The following POLR3GL variants were observed in gnomAD, a reference collection of about 807,000 sequenced individuals.
The protein encoded by POLR3GL is RNA polymerase III subunit GL.
POLR3GL carries 26 observed loss-of-function variants against 32.4 expected under a neutral mutation model. The ratio of observed to expected loss-of-function variants is 0.80; its 90% confidence interval spans 0.59 to 1.11. The LOEUF is 1.11. POLR3GL is among the 50% of genes most tolerant of loss of function. POLR3GL has a pLI of 0.00. For missense variants in POLR3GL, 229 were observed against 280.1 expected (o/e 0.82, Z 1.30); for synonymous variants, 95 against 98.7 (o/e 0.96, Z 0.22).
chr1:145,969,053 C>G (rs1650162184), intron 1 of POLR3GL, among the ~76,000 whole-genome samples: 1 of 152,068 alleles, frequency 6.6e-6, no homozygotes, highest in African/African-American at 2.4e-5. Flanking sequence ...CCTCTCCTAG[C>G]TACAGATTAT....
chr1:145,974,422 A>C (rs1285054853), intron 1 of POLR3GL, among the ~76,000 whole-genome samples: 1 of 152,150 alleles, frequency 6.6e-6, no homozygotes, highest in Admixed American at 6.5e-5. Context: ...AGGCTGAGGC[A>C]GGAGGATCTT....
At chr1:145,968,154 A>T (rs903102285) in intron 1 of POLR3GL, among the ~76,000 whole-genome samples, 1 of 152,228 alleles carries the variant, frequency 6.6e-6, no homozygotes, top group Non-Finnish European at 1.5e-5. Flanking sequence ...AAAACAGAGT[A>T]CAGGGGTAAA....
chr1:145,970,548 C>T (rs782736306), intron 1 of POLR3GL, among the ~76,000 whole-genome samples: 12 of 151,990 alleles, frequency 7.9e-5, no homozygotes, highest in Non-Finnish European at 1.5e-4. Flanking sequence ...CCAAGAGTTC[C>T]CATTTGTCCC....
chr1:145,977,453 T>C, intron 4 of POLR3GL, 30 bp from the exon 5 acceptor site: 1 of 1,607,386 alleles, frequency 6.2e-7, no homozygotes, highest in Middle Eastern at 1.7e-4. Flanking sequence ...GGCAGGGTCC[T>C]ATTGACATTT....
rs911947919 is a variant in POLR3GL at position 145,978,529 on chromosome 1, T to C, written c.*82T>C. 4.3e-6 allele frequency: 4 copies of C among 923,062 alleles called. No homozygotes were observed. Among genetic ancestry groups the C allele is most frequent in the Non-Finnish European group, 5.3e-6 (3 of 568,062 alleles). The allele number at this position is 923,062 out of a possible 1,614,324, so 57.2% of individuals were successfully genotyped here. A position where few individuals can be genotyped will look rare whatever the true frequency, so the allele number is the denominator to read the frequency against. On this transcript the variant is annotated 3_prime_UTR_variant, in exon 8 of 8. Transcript: ENST00000369314. ...TTATTTGTTTCTTCAGACAAGCAAA[T>C]CATTTGGTCAGAGTTCATATAATCT...
At chr1:145,970,524 T>A (rs1553762482) in intron 1 of POLR3GL, among the ~76,000 whole-genome samples, 1 of 151,848 alleles carries the variant, frequency 6.6e-6, no homozygotes, top group Non-Finnish European at 1.5e-5. Context: ...TACGGAAAAA[T>A]TTAGCAGATA....
chr1:145,970,055 G>A (rs1650209236), intron 1 of POLR3GL, among the ~76,000 whole-genome samples: 1 of 152,064 alleles, frequency 6.6e-6, no homozygotes, highest in Non-Finnish European at 1.5e-5. Context: ...ATGTGTGTAT[G>A]TATTTCTGAC....
At chr1:145,969,431 A>G (rs1650181593) in intron 1 of POLR3GL, among the ~76,000 whole-genome samples, 1 of 150,688 alleles carries the variant, frequency 6.6e-6, no homozygotes, top group Non-Finnish European at 1.5e-5. Flanking sequence ...TGCCCAGCTA[A>G]TTTTTGTATT....
intron 1 of POLR3GL, among the ~76,000 whole-genome samples, chr1:145,972,539 T>G (rs184968531): frequency 6.6e-5 from 10 of 152,340 alleles, no homozygotes; most frequent in Admixed American, 2.6e-4. Context: ...CTCACAGATA[T>G]TTATCTTATA....
intron 7 of POLR3GL, 28 bp downstream of exon 7, chr1:145,978,124 C>T (rs782428186): frequency 6.4e-7 from 1 of 1,574,022 alleles, no homozygotes; most frequent in Non-Finnish European, 8.6e-7. Flanking sequence ...CACCTTAGTC[C>T]CCCTCCCTTT....
chr1:145,965,547 A>G (rs1649979245), intron 1 of POLR3GL, among the ~76,000 whole-genome samples: 1 of 152,192 alleles, frequency 6.6e-6, no homozygotes, highest in African/African-American at 2.4e-5. Context: ...TATTCATTCA[A>G]TAAATATTTA....
chr1:145,976,011 C>T (rs962925203), intron 3 of POLR3GL, among the ~76,000 whole-genome samples: 21 of 152,030 alleles, frequency 1.4e-4, no homozygotes, highest in Admixed American at 4.6e-4. Flanking sequence ...CGGTGGCTTA[C>T]GCCTGTAATG....
intron 1 of POLR3GL, among the ~76,000 whole-genome samples, chr1:145,969,358 G>A (rs1474149178): frequency 6.6e-6 from 1 of 151,860 alleles, no homozygotes; most frequent in Non-Finnish European, 1.5e-5. Context: ...TCCACCTCCC[G>A]GGTTCAAGCG....
chr1:145,974,808 GT>G lies in POLR3GL; in HGVS notation c.-41-12del. ...TTCTACTACATTTCTTTTTCTCTTT[GT>G]TTTTGTCTTTATTAGGTTTATTCAC... is the stretch of plus-strand genomic sequence containing the variant. On this transcript the variant is annotated splice_polypyrimidine_tract_variant and intron_variant, in intron 1 of 7. Transcript: ENST00000369314. 11 of 1,430,328 alleles carry G rather than the reference GT, an allele frequency of 7.7e-6. No homozygotes were observed. Among genetic ancestry groups the G allele is most frequent in the Non-Finnish European group, 1.0e-5 (11 of 1,088,410 alleles). 88.6% of individuals were successfully genotyped at this position (1,430,328 alleles called of 1,614,324 possible). A position where few individuals can be genotyped will look rare whatever the true frequency, so the allele number is the denominator to read the frequency against.
At chr1:145,976,933 TA>T (rs1248985635) in intron 3 of POLR3GL, 150 bp from the exon 4 acceptor site, 569,392 of 570,012 alleles carry the variant, frequency 1, 284,400 homozygotes, top group South Asian at 1. Context: ...AAAAAAAAAG[TA>T]GATAAGGTCC....
chr1:145,972,175 G>GT (rs1385792336), intron 1 of POLR3GL, among the ~76,000 whole-genome samples: 3 of 150,170 alleles, frequency 2.0e-5, no homozygotes, highest in African/African-American at 7.4e-5. Context: ...GAGGTTGGGA[G>GT]TTTGAGACCA....
intron 1 of POLR3GL, 78 bp from the exon 2 acceptor site, chr1:145,974,747 G>T (rs781944116): frequency 1.9e-5 from 19 of 991,662 alleles, no homozygotes; most frequent in Non-Finnish European, 2.6e-5. Flanking sequence ...AGAGATAAAA[G>T]ATTGAATGTC....
chr1:145,970,099 T>A (rs1382446150), intron 1 of POLR3GL, among the ~76,000 whole-genome samples: 1 of 152,094 alleles, frequency 6.6e-6, no homozygotes, highest in African/African-American at 2.4e-5. Context: ...TTTTTAAATA[T>A]TTTTTTCACC....
intron 1 of POLR3GL, among the ~76,000 whole-genome samples, chr1:145,971,989 A>AATAT (rs1165893062): frequency 2.1e-4 from 14 of 66,968 alleles, no homozygotes; most frequent in East Asian, 1.0e-3. Context: ...AAAAAAAAAA[A>AATAT]ATATATATAT....
Sources: allele counts gnomAD v4.1 joint callset (sites outside exome capture counted in the v4.1 genomes callset), GRCh38; gene constraint gnomAD v4.1.1; transcripts MANE v1.5; gene names NCBI Gene and HGNC (gene_info 2026-07-23, HGNC 2026-07-21).